The following SLC19A3 variants were observed in gnomAD, a reference collection of about 807,000 sequenced individuals.
The protein encoded by SLC19A3 is solute carrier family 19 member 3.
A neutral mutation model predicts 40.2 loss-of-function variants in SLC19A3; 31 were observed. The observed-to-expected ratio is 0.77, with a 90% CI of 0.58 to 1.04. The LOEUF is 1.04. Among genes scored for constraint, SLC19A3 ranks in the 50% least tolerant of loss-of-function variants. SLC19A3 has a pLI of 0.00. For synonymous variants in SLC19A3, 212 were observed against 227.5 expected (o/e 0.93, Z 0.61); for missense variants, 592 against 596.7 (o/e 0.99, Z 0.08).
chr2:227,695,327 A>ATGTAGTTGCTCACACC (rs1695383227), intron 4 of SLC19A3, among the ~76,000 whole-genome samples: 1 of 151,690 alleles, frequency 6.6e-6, no homozygotes, highest in Non-Finnish European at 1.5e-5. Context: ...ATGATGCCAG[A>ATGTAGTTGCTCACACC]TGTAGTGGCT....
chr2:227,700,052 A>G (rs979167953), intron 2 of SLC19A3, among the ~76,000 whole-genome samples: 104 of 151,698 alleles, frequency 6.9e-4, no homozygotes, highest in African/African-American at 2.4e-3. Context: ...TAATTTTTGT[A>G]TTTTAGAAGA....
intron 3 of SLC19A3, 142 bp from the exon 4 acceptor site, chr2:227,696,223 TGTGGATCTATC>T: frequency 1.3e-6 from 1 of 769,654 alleles, no homozygotes; most frequent in Non-Finnish European, 2.2e-6. Flanking sequence ...TCGACCTGAA[TGTGGATCTATC>T]CTTTTCTCAA....
intron 3 of SLC19A3, among the ~76,000 whole-genome samples, chr2:227,697,568 A>T (rs1695485805): frequency 6.6e-6 from 1 of 152,186 alleles, no homozygotes; most frequent in Non-Finnish European, 1.5e-5. Context: ...AGCTAGTTCA[A>T]ATCCTGTATT....
intron 1 of SLC19A3, among the ~76,000 whole-genome samples, chr2:227,709,253 G>A (rs1361606706): frequency 1.3e-5 from 2 of 152,132 alleles, no homozygotes; most frequent in African/African-American, 2.4e-5. Context: ...AGGCTGAGGC[G>A]GGTGGATGAC....
At chr2:227,707,685 C>A (rs112429265) in intron 1 of SLC19A3, among the ~76,000 whole-genome samples, 1 of 82,418 alleles carries the variant, frequency 1.2e-5, no homozygotes, top group South Asian at 4.2e-4. Flanking sequence ...GCTGTCCCAC[C>A]AAGGGATGCT....
intron 4 of SLC19A3, 28 bp from the exon 5 acceptor site, chr2:227,688,335 A>C: frequency 6.2e-7 from 1 of 1,605,934 alleles, no homozygotes. Context: ...TAAGCATTTT[A>C]ACTATAATAT....
chr2:227,691,971 T>C (rs1054158738), intron 4 of SLC19A3, among the ~76,000 whole-genome samples: 9 of 152,088 alleles, frequency 5.9e-5, no homozygotes, highest in Admixed American at 1.3e-4. Flanking sequence ...TTGGAAAATC[T>C]AGAAGAAATG....
intron 1 of SLC19A3, among the ~76,000 whole-genome samples, chr2:227,704,227 G>T (rs1695834196): frequency 6.6e-6 from 1 of 152,186 alleles, no homozygotes; most frequent in Non-Finnish European, 1.5e-5. Context: ...TCTTATAGAA[G>T]GAAGGGCATG....
At chr2:227,693,944 G>A (rs533309471) in intron 4 of SLC19A3, among the ~76,000 whole-genome samples, 81 of 152,236 alleles carry the variant, frequency 5.3e-4, no homozygotes, top group Non-Finnish European at 9.3e-4. Context: ...AAAGGCATGC[G>A]AATGGCAAAC....
intron 1 of SLC19A3, chr2:227,714,363 T>C (rs1173555822): frequency 1.1e-6 from 1 of 927,826 alleles, no homozygotes; most frequent in African/African-American, 1.8e-5. Context: ...ATAAACCTTG[T>C]AAGTCTGGCC....
chr2:227,695,330 T>C (rs972180829), intron 4 of SLC19A3, among the ~76,000 whole-genome samples: 4 of 152,280 alleles, frequency 2.6e-5, no homozygotes, highest in African/African-American at 9.6e-5. Context: ...ATGCCAGATG[T>C]AGTGGCTCAC....
intron 1 of SLC19A3, among the ~76,000 whole-genome samples, chr2:227,710,909 T>A (rs1196689161): frequency 6.6e-6 from 1 of 152,200 alleles, no homozygotes; most frequent in Non-Finnish European, 1.5e-5. Context: ...AAAACAAAAA[T>A]ATTTGCTTTT....
At chr2:227,709,282 G>A (rs1559257860) in intron 1 of SLC19A3, among the ~76,000 whole-genome samples, 1 of 152,136 alleles carries the variant, frequency 6.6e-6, no homozygotes, top group Non-Finnish European at 1.5e-5. Context: ...AGGAGTTCAA[G>A]ATCAGCCTGG....
At chr2:227,705,248 T>A (rs1375266431) in intron 1 of SLC19A3, among the ~76,000 whole-genome samples, 1 of 152,102 alleles carries the variant, frequency 6.6e-6, no homozygotes, top group Non-Finnish European at 1.5e-5. Context: ...AATATATAAA[T>A]ACAAATATAT....
intron 1 of SLC19A3, among the ~76,000 whole-genome samples, chr2:227,712,754 A>G (rs1696184253): frequency 6.6e-6 from 1 of 152,244 alleles, no homozygotes; most frequent in Admixed American, 6.5e-5. Context: ...GGAGTGAACT[A>G]CTGCAAATAC....
At position 227,687,254 on chromosome 2, in the gene SLC19A3, T is replaced by G; in HGVS notation, c.*143A>C. ...ATAGAGAACTCATCTAAAACTGAGG[T>G]TTTGTTGTGGTTTTGAAAGGTCCAT... is the stretch of plus-strand genomic sequence containing the variant. On this transcript the variant is annotated 3_prime_UTR_variant, in exon 6 of 6. Coordinates refer to ENST00000644224, the MANE Select transcript of SLC19A3 (RefSeq NM_025243.4). 1 of 804,114 alleles carries G rather than the reference T, an allele frequency of 1.2e-6. No homozygotes were observed. The highest frequency in any genetic ancestry group is 1.9e-6 in the Non-Finnish European group (1 of 513,424). The allele number at this position is 804,114 out of a possible 1,614,324, so 49.8% of individuals were successfully genotyped here. A position where few individuals can be genotyped will look rare whatever the true frequency, so the allele number is the denominator to read the frequency against.
chr2:227,711,787 T>G (rs1696147874), intron 1 of SLC19A3, among the ~76,000 whole-genome samples: 1 of 151,852 alleles, frequency 6.6e-6, no homozygotes, highest in South Asian at 2.1e-4. Context: ...CCGTGGCTCA[T>G]GCCTATAGTC....
chr2:227,702,978 C>G (rs1465755093), intron 1 of SLC19A3: 1 of 152,592 alleles, frequency 6.6e-6, no homozygotes, highest in Non-Finnish European at 1.5e-5. Context: ...GATATCATTT[C>G]CCCACATTCC....
chr2:227,717,036 T>A (rs978426429), intron 1 of SLC19A3, among the ~76,000 whole-genome samples: 1 of 127,378 alleles, frequency 7.9e-6, no homozygotes, highest in Non-Finnish European at 1.6e-5. Context: ...AGAATCTTGC[T>A]GGGTCGCCCA....
Sources: allele counts gnomAD v4.1 joint callset (sites outside exome capture counted in the v4.1 genomes callset), GRCh38; gene constraint gnomAD v4.1.1; transcripts MANE v1.5; gene names NCBI Gene and HGNC (gene_info 2026-07-23, HGNC 2026-07-21).